LYRM4: variants seen among roughly 807,000 people sequenced by gnomAD.
The protein encoded by LYRM4 is LYR motif containing 4.
A neutral mutation model predicts 11.7 loss-of-function variants in LYRM4; 9 were observed. That is an observed-to-expected ratio of 0.77 (90% CI 0.46 to 1.34). The LOEUF (loss-of-function observed/expected upper bound fraction) is 1.34. Among genes scored for constraint, LYRM4 ranks in the 40% most tolerant of loss-of-function variants. LYRM4 has a pLI of 0.00. For synonymous variants in LYRM4, 42 were observed against 40.4 expected (o/e 1.04, Z -0.15); for missense variants, 133 against 112.5 (o/e 1.18, Z -0.82).
chr6:5,206,974 A>T (rs1438628885), intron 2 of LYRM4, among the ~76,000 whole-genome samples: 1 of 152,194 alleles, frequency 6.6e-6, no homozygotes, highest in Non-Finnish European at 1.5e-5. Context: ...TCAAAAACAC[A>T]TTGAGTACAA....
At chr6:5,057,491 C>T in the LYRM4 span, among the ~76,000 whole-genome samples, 1 of 152,104 alleles carries the variant, frequency 6.6e-6, no homozygotes, top group Non-Finnish European at 1.5e-5. Context: ...CCAAGGCAGG[C>T]AGATTACTTG....
the LYRM4 span, among the ~76,000 whole-genome samples, chr6:5,056,286 G>C: frequency 6.6e-6 from 1 of 152,208 alleles, no homozygotes; most frequent in African/African-American, 2.4e-5. Context: ...AGAAAATCCA[G>C]CCTCGGATAG....
chr6:5,131,608 G>T lies in LYRM4; in HGVS notation c.208-22117C>A, dbSNP rs1763957544. Among the ~76,000 whole-genome samples the T allele has an allele frequency of 2.6e-5, 4 of 152,150 alleles. No homozygotes were observed. The South Asian group carries it at 8.3e-4, about 32-fold the overall frequency. ...ACAACAAAGAAAACATTGTCTGTAA[G>T]CCATTCACAAAAATTCATCAAGGAC... On this transcript the variant is annotated intron_variant, in intron 2 of 2. Transcript: ENST00000330636.
At chr6:5,116,757 G>T (rs1040768657) in intron 2 of LYRM4, among the ~76,000 whole-genome samples, 2 of 152,208 alleles carry the variant, frequency 1.3e-5, no homozygotes, top group African/African-American at 4.8e-5. Flanking sequence ...AGATTACTCA[G>T]CTGCCAGTAG....
downstream of LYRM4, among the ~76,000 whole-genome samples, chr6:5,099,554 C>T (rs143369927): frequency 6.6e-6 from 1 of 152,220 alleles, no homozygotes; most frequent in East Asian, 1.9e-4. The surrounding 1 kb of genome is among the most constrained non-coding windows in gnomAD (Gnocchi z 4.3). Context: ...AATGTTGTTC[C>T]TTGTAGCCTA....
chr6:5,254,851 C>G (rs1005268561), intron 1 of LYRM4, among the ~76,000 whole-genome samples: 1 of 152,296 alleles, frequency 6.6e-6, no homozygotes, highest in East Asian at 1.9e-4. Context: ...CCTGCTCTAT[C>G]GGTTATCTAC....
intron 2 of LYRM4, among the ~76,000 whole-genome samples, chr6:5,160,826 T>C (rs761078060): frequency 6.6e-6 from 1 of 152,196 alleles, no homozygotes. Context: ...ATGCTCTCCT[T>C]CCCTATGCCT....
intron 2 of LYRM4, among the ~76,000 whole-genome samples, chr6:5,193,425 C>T (rs1760877936): frequency 6.6e-6 from 1 of 152,164 alleles, no homozygotes; most frequent in African/African-American, 2.4e-5. Context: ...TTCTTTCTGA[C>T]TCTTCCCAAA....
chr6:5,100,630 G>A (rs1762469886), downstream of LYRM4, among the ~76,000 whole-genome samples: 1 of 152,180 alleles, frequency 6.6e-6, no homozygotes, highest in African/African-American at 2.4e-5. Flanking sequence ...CCCAACTCCT[G>A]TTGTGAGGGA....
At chr6:5,163,124 T>C (rs1210523891) in intron 2 of LYRM4, among the ~76,000 whole-genome samples, 1 of 152,220 alleles carries the variant, frequency 6.6e-6, no homozygotes, top group East Asian at 1.9e-4. Context: ...TTCACTCTTT[T>C]GTGTCCTGTT....
chr6:5,072,166 T>G, the LYRM4 span, among the ~76,000 whole-genome samples: 60 of 152,362 alleles, frequency 3.9e-4, 1 homozygote, highest in East Asian at 0.011. Flanking sequence ...TTGTTCCTTT[T>G]TGTGGTTGCA....
At chr6:5,131,963 G>C (rs1763974607) in intron 2 of LYRM4, among the ~76,000 whole-genome samples, 1 of 93,866 alleles carries the variant, frequency 1.1e-5, no homozygotes, top group African/African-American at 3.3e-5. Flanking sequence ...TCTTTAAGCA[G>C]TCGTGGATCC....
In LYRM4 at chr6:5,175,710, AT is replaced by A. The variant is rs1759676865; in HGVS notation, c.207+40907del. On this transcript the variant is annotated intron_variant, in intron 2 of 2. Transcript: ENST00000330636. ...GCCTGTGACTCCTTTGACCAAAAAA[AT>A]ATGGCAGAAATGAAACTACATATTT... 2.0e-5 allele frequency among the ~76,000 whole-genome samples: 3 copies of A among 152,206 alleles called. No individual in the cohort carries two copies. In the South Asian group the frequency reaches 6.2e-4, roughly 32 times the overall value.
chr6:5,056,493 C>A, the LYRM4 span, among the ~76,000 whole-genome samples: 1 of 152,156 alleles, frequency 6.6e-6, no homozygotes, highest in East Asian at 1.9e-4. Flanking sequence ...TTAAGCGGAT[C>A]TTTTACCTAT....
At chr6:5,056,343 A>C in the LYRM4 span, among the ~76,000 whole-genome samples, 2 of 152,114 alleles carry the variant, frequency 1.3e-5, no homozygotes, top group Admixed American at 1.3e-4. Context: ...CCTTTTCAGA[A>C]GACTGTAGAC....
At chr6:5,209,638 C>T (rs921216296) in intron 2 of LYRM4, among the ~76,000 whole-genome samples, 27 of 152,086 alleles carry the variant, frequency 1.8e-4, no homozygotes, top group African/African-American at 5.8e-4. Flanking sequence ...TCTACAAGGC[C>T]GGAAGGACCT....
chr6:5,210,594 T>C (rs1386083231), intron 2 of LYRM4, among the ~76,000 whole-genome samples: 1 of 152,222 alleles, frequency 6.6e-6, no homozygotes, highest in East Asian at 1.9e-4. Context: ...GTTAAGTATA[T>C]TCATATTGTT....
At chr6:5,066,420 G>T in the LYRM4 span, 1 of 746,596 alleles carries the variant, frequency 1.3e-6, no homozygotes, top group Non-Finnish European at 2.5e-6. Flanking sequence ...TACTTTTAAA[G>T]GGCTGCCTGC....
intron 2 of LYRM4, among the ~76,000 whole-genome samples, chr6:5,208,725 G>C (rs984009251): frequency 1.3e-5 from 2 of 152,068 alleles, no homozygotes; most frequent in Non-Finnish European, 2.9e-5. Flanking sequence ...CCAGACTCGA[G>C]GATTTACTGG....
Sources: allele counts gnomAD v4.1 joint callset (sites outside exome capture counted in the v4.1 genomes callset), GRCh38; gene constraint gnomAD v4.1.1; non-coding constraint Gnocchi (gnomAD v3.1); transcripts MANE v1.5; gene names NCBI Gene and HGNC (gene_info 2026-07-23, HGNC 2026-07-21).